Variants in GLRA1 observed in about 807,000 individuals in gnomAD.
GLRA1 encodes glycine receptor subunit alpha-1.
A neutral mutation model predicts 48.3 loss-of-function variants in GLRA1; 37 were observed. The observed-to-expected ratio is 0.77, with a 90% CI of 0.59 to 1.01. GLRA1 has a LOEUF of 1.01. Ranked by LOEUF, GLRA1 falls within the 50% of genes least tolerant of loss-of-function variation. The pLI is 0.00. For synonymous variants in GLRA1, 196 were observed against 210.7 expected (o/e 0.93, Z 0.60); for missense variants, 427 against 571.0 (o/e 0.75, Z 2.57).
chr5:151,850,506 A>G, intron 7 of GLRA1: 5 of 1,005,724 alleles, frequency 5.0e-6, no homozygotes, highest in Non-Finnish European at 8.0e-6. Flanking sequence ...CGAGAAACTA[A>G]GCAGTGGCAC....
chr5:151,849,843 C>G, intron 7 of GLRA1: 1 of 1,358,134 alleles, frequency 7.4e-7, no homozygotes, highest in Middle Eastern at 2.8e-4. Flanking sequence ...CATGAGCCAC[C>G]ATGCCTAGCC....
At chr5:151,864,202 T>A (rs9324714) in intron 3 of GLRA1, among the ~76,000 whole-genome samples, 54,458 of 151,924 alleles carry the variant, frequency 0.36, 10,199 homozygotes, top group South Asian at 0.45. Flanking sequence ...GAACAGACTA[T>A]GAATGGTTGG....
intron 1 of GLRA1, among the ~76,000 whole-genome samples, chr5:151,919,870 A>G (rs1428013204): frequency 6.6e-6 from 1 of 152,248 alleles, no homozygotes; most frequent in Non-Finnish European, 1.5e-5. Flanking sequence ...TGTGCCATCC[A>G]TCTTAAAAAT....
At chr5:151,845,070 A>C (rs1752635176) in intron 7 of GLRA1, among the ~76,000 whole-genome samples, 1 of 152,150 alleles carries the variant, frequency 6.6e-6, no homozygotes. Context: ...ATACATATGC[A>C]GAACATGCAG....
intron 3 of GLRA1, among the ~76,000 whole-genome samples, chr5:151,869,593 T>C (rs1753424236): frequency 7.0e-6 from 1 of 143,266 alleles, no homozygotes; most frequent in African/African-American, 3.0e-5. Context: ...CAAGCACTGG[T>C]AATCCCAGCT....
chr5:151,861,318 G>T (rs1581625138), intron 3 of GLRA1, among the ~76,000 whole-genome samples: 1 of 152,306 alleles, frequency 6.6e-6, no homozygotes, highest in East Asian at 1.9e-4. Flanking sequence ...TTCCACAATG[G>T]TTGAACTAAT....
chr5:151,851,361 G>A (rs1752904644), intron 7 of GLRA1, 29 bp downstream of exon 7: 1 of 1,464,596 alleles, frequency 6.8e-7, no homozygotes, highest in Non-Finnish European at 9.6e-7. Flanking sequence ...TTGTCCAGGT[G>A]TTCTGTGCTC....
chr5:151,823,028 G>T (rs1445180048), intron 8 of GLRA1, 65 bp from the exon 9 acceptor site: 1 of 1,429,902 alleles, frequency 7.0e-7, no homozygotes, highest in African/African-American at 1.4e-5. Context: ...CTCCCTGCAA[G>T]GCACTCCCTT....
chr5:151,826,305 C>A (rs1003812299), intron 8 of GLRA1, among the ~76,000 whole-genome samples: 16 of 152,182 alleles, frequency 1.1e-4, no homozygotes, highest in African/African-American at 3.9e-4. Flanking sequence ...CACTCCAGGC[C>A]AAAGTACAGA....
At chr5:151,842,392 CAT>C (rs1286244191) in intron 7 of GLRA1, among the ~76,000 whole-genome samples, 1 of 149,562 alleles carries the variant, frequency 6.7e-6, no homozygotes, top group Non-Finnish European at 1.5e-5. Context: ...AATCCAGTGA[CAT>C]GTGAAAAAGA....
intron 1 of GLRA1, among the ~76,000 whole-genome samples, chr5:151,893,286 T>TAC (rs1561575054): frequency 3.8e-4 from 17 of 45,066 alleles, no homozygotes; most frequent in African/African-American, 1.5e-3. Flanking sequence ...CTGCCCAACT[T>TAC]TCTTTCTTTC....
chr5:151,867,044 G>A (rs535216099), intron 3 of GLRA1, among the ~76,000 whole-genome samples: 5 of 152,346 alleles, frequency 3.3e-5, no homozygotes, highest in South Asian at 2.1e-4. Context: ...CCATGAGGTT[G>A]AGGCTGTAGT....
At chr5:151,890,597 C>T (rs1240132329) in intron 2 of GLRA1, among the ~76,000 whole-genome samples, 1 of 152,214 alleles carries the variant, frequency 6.6e-6, no homozygotes, top group Non-Finnish European at 1.5e-5. Flanking sequence ...AGACTTAAGT[C>T]TTGTCTTGGA....
At chr5:151,876,315 G>T (rs1279867654) in intron 3 of GLRA1, among the ~76,000 whole-genome samples, 3 of 152,086 alleles carry the variant, frequency 2.0e-5, no homozygotes, top group African/African-American at 7.2e-5. Context: ...TTCATCCCTT[G>T]AAACTGTTCT....
intron 1 of GLRA1, among the ~76,000 whole-genome samples, chr5:151,913,961 C>T (rs1754678899): frequency 6.6e-6 from 1 of 152,080 alleles, no homozygotes; most frequent in Non-Finnish European, 1.5e-5. Context: ...TAATATCAAA[C>T]CGTTAAGTGA....
At chr5:151,903,087 A>G (rs1473372226) in intron 1 of GLRA1, among the ~76,000 whole-genome samples, 2 of 152,230 alleles carry the variant, frequency 1.3e-5, no homozygotes, top group African/African-American at 2.4e-5. Flanking sequence ...AAAAAAGCCA[A>G]GCTGCAATGG....
chr5:151,883,731 G>T (rs1450611514), intron 3 of GLRA1, among the ~76,000 whole-genome samples: 1 of 152,238 alleles, frequency 6.6e-6, no homozygotes, highest in African/African-American at 2.4e-5. Context: ...CTCACAGCAG[G>T]CCACAAGGTG....
At chr5:151,890,229 T>TG (rs1218858619) in intron 2 of GLRA1, among the ~76,000 whole-genome samples, 1 of 145,810 alleles carries the variant, frequency 6.9e-6, no homozygotes, top group African/African-American at 2.5e-5. Flanking sequence ...AGCATATTTG[T>TG]GGGGTCATTT....
At chr5:151,891,122 C>G (rs1754057078) in intron 2 of GLRA1, among the ~76,000 whole-genome samples, 1 of 152,176 alleles carries the variant, frequency 6.6e-6, no homozygotes, top group African/African-American at 2.4e-5. Context: ...CACCTGAAAT[C>G]AAGGCTTGTC....
Sources: allele counts gnomAD v4.1 joint callset (sites outside exome capture counted in the v4.1 genomes callset), GRCh38; gene constraint gnomAD v4.1.1; transcripts MANE v1.5; gene names NCBI Gene and HGNC (gene_info 2026-07-23, HGNC 2026-07-21).